The following PDK3 variants were observed in gnomAD, a reference collection of about 807,000 sequenced individuals.
The protein encoded by PDK3 is pyruvate dehydrogenase kinase, isozyme 3.
Under a neutral mutation model 32.0 loss-of-function variants are expected in PDK3, and 12 were observed. The observed-to-expected ratio is 0.37, with a 90% confidence interval of 0.24 to 0.61. PDK3 has a LOEUF of 0.61. Ranked by LOEUF, PDK3 falls within the 20% of genes least tolerant of loss-of-function variation. The pLI is 0.65. For missense variants in PDK3, 188 were observed against 316.9 expected, an observed-to-expected ratio of 0.59 and a Z score of 3.09; for synonymous variants, 122 against 116.3, an observed-to-expected ratio of 1.05 and a Z score of -0.31.
chrX:24,524,781 G>A (rs779936703), intron 6 of PDK3, among the ~76,000 whole-genome samples: 11 of 112,072 alleles, frequency 9.8e-5, no homozygotes, highest in African/African-American at 3.6e-4. Flanking sequence ...TGAAGGATAA[G>A]ATAGGAAAGG....
At chrX:24,496,329 A>G (rs1438655336) in intron 2 of PDK3, among the ~76,000 whole-genome samples, 1 of 101,711 alleles carries the variant, frequency 9.8e-6, no homozygotes, top group Non-Finnish European at 2.0e-5. Context: ...ACGTGCGTGC[A>G]CACATATATA....
At chrX:24,513,200 T>G (rs1602119400) in intron 5 of PDK3, among the ~76,000 whole-genome samples, 2 of 111,612 alleles carry the variant, frequency 1.8e-5, no homozygotes, top group African/African-American at 3.3e-5. Flanking sequence ...ACTTGCCCAG[T>G]CTGCTGTGGT....
At chrX:24,518,893 G>A in intron 5 of PDK3, 40 bp from the exon 6 acceptor site, 3 of 872,270 alleles carry the variant, frequency 3.4e-6, no homozygotes, top group African/African-American at 2.0e-5. Flanking sequence ...TTGTGCCTAT[G>A]TTATTAGTAC....
intron 6 of PDK3, among the ~76,000 whole-genome samples, chrX:24,519,297 C>T (rs1489995023): frequency 2.8e-5 from 3 of 108,315 alleles, no homozygotes; most frequent in East Asian, 2.9e-4. Flanking sequence ...TGCAAGCAGT[C>T]GATCAACATA....
intron 1 of PDK3, among the ~76,000 whole-genome samples, chrX:24,492,797 G>A (rs1569221055): frequency 9.1e-6 from 1 of 110,293 alleles, no homozygotes; most frequent in African/African-American, 3.3e-5. Context: ...TCAGGAGATG[G>A]AGACCATCCT....
intron 5 of PDK3, among the ~76,000 whole-genome samples, chrX:24,518,281 G>A (rs1233621330): frequency 1.8e-5 from 2 of 111,279 alleles, no homozygotes; most frequent in Non-Finnish European, 3.8e-5. Context: ...TCAGGAGTTC[G>A]AGACCAGCCT....
intron 1 of PDK3, among the ~76,000 whole-genome samples, chrX:24,478,457 C>CACAA (rs752953000): frequency 2.7e-5 from 3 of 111,484 alleles, no homozygotes; most frequent in Admixed American, 9.5e-5. Flanking sequence ...GAGACTCTGT[C>CACAA]ACAAACAAAC....
intron 9 of PDK3, among the ~76,000 whole-genome samples, chrX:24,531,049 T>TTGTGTG (rs760426568): frequency 0.033 from 3,236 of 98,123 alleles, 95 homozygotes; most frequent in African/African-American, 0.09. Context: ...GAATGTGCTT[T>TTGTGTG]TGTGTGTGTG....
At chrX:24,488,492 C>T (rs1921462133) in intron 1 of PDK3, among the ~76,000 whole-genome samples, 2 of 111,698 alleles carry the variant, frequency 1.8e-5, no homozygotes, top group African/African-American at 6.5e-5. Context: ...AGTTCGAGAC[C>T]AACCTGGCCA....
intron 1 of PDK3, among the ~76,000 whole-genome samples, chrX:24,468,224 A>G (rs1396668460): frequency 8.9e-6 from 1 of 112,194 alleles, no homozygotes; most frequent in Non-Finnish European, 1.9e-5. Context: ...ACTTGTTGTT[A>G]CTTCAGAAGC....
intron 1 of PDK3, among the ~76,000 whole-genome samples, chrX:24,476,687 A>T (rs996144854): frequency 8.9e-6 from 1 of 112,148 alleles, no homozygotes; most frequent in Non-Finnish European, 1.9e-5. Context: ...ACCCATCATT[A>T]TCACCTAAAG....
chrX:24,478,495 A>C (rs1921168978), intron 1 of PDK3, among the ~76,000 whole-genome samples: 1 of 111,505 alleles, frequency 9.0e-6, no homozygotes, highest in African/African-American at 3.3e-5. Flanking sequence ...GCACTGAAGT[A>C]TCTTCAGTTA....
chrX:24,526,172 A>T (rs781225205), intron 6 of PDK3, 26 bp from the exon 7 acceptor site: 3 of 1,135,065 alleles, frequency 2.6e-6, no homozygotes, highest in Middle Eastern at 2.4e-4. Flanking sequence ...GTCCTTATTG[A>T]TTGATGGTTT....
At chrX:24,531,999 C>G (rs1191175229) in intron 10 of PDK3, among the ~76,000 whole-genome samples, 3 of 112,104 alleles carry the variant, frequency 2.7e-5, no homozygotes, top group African/African-American at 9.7e-5. Context: ...GGCGTGGTGG[C>G]ACATGCCTGT....
intron 6 of PDK3, among the ~76,000 whole-genome samples, chrX:24,521,355 GAT>G (rs1922393621): frequency 9.2e-6 from 1 of 108,720 alleles, no homozygotes; most frequent in East Asian, 2.9e-4. Flanking sequence ...CTTATAATGA[GAT>G]AAAACTGTGA....
Position 24,465,412 on chromosome X carries a change from G to A in PDK3, c.-44G>A, listed in dbSNP as rs750432443. 1 of 1,023,267 alleles carries A rather than the reference G, an allele frequency of 9.8e-7. No homozygotes were observed. The highest frequency in any genetic ancestry group is 1.4e-6 in the Non-Finnish European group (1 of 739,980). 84.3% of individuals were successfully genotyped at this position (1,023,267 alleles called of 1,213,427 possible). On this transcript the variant is annotated 5_prime_UTR_variant, in exon 1 of 11. Transcript: ENST00000379162. ...CGGCTTGGCTGCGCCAGCCCTTGCG[G>A]CCACCCGGGCGTCTAGGCGGGTCTG...
intron 1 of PDK3, among the ~76,000 whole-genome samples, chrX:24,474,431 T>A (rs868439484): frequency 5.9e-5 from 5 of 85,085 alleles, no homozygotes; most frequent in South Asian, 6.1e-4. Flanking sequence ...TTATTTATTT[T>A]GAGACGGAGT....
intron 5 of PDK3, among the ~76,000 whole-genome samples, chrX:24,508,023 A>C (rs1922026303): frequency 1.8e-5 from 2 of 111,475 alleles, no homozygotes; most frequent in African/African-American, 6.5e-5. Flanking sequence ...TAAATGTATG[A>C]GTCTGTTCTC....
chrX:24,524,111 T>C (rs1450836898), intron 6 of PDK3, among the ~76,000 whole-genome samples: 4 of 112,266 alleles, frequency 3.6e-5, no homozygotes, highest in Non-Finnish European at 7.5e-5. Context: ...GGTGTAAAGA[T>C]TGACAGATGT....
Sources: gnomAD v4.1 joint callset for allele counts (sites outside exome capture counted in the v4.1 genomes callset) on GRCh38, gnomAD v4.1.1 for gene constraint, MANE v1.5 for transcripts, NCBI Gene and HGNC (gene_info 2026-07-23, HGNC 2026-07-21) for gene names.